ZFYVE26: variants seen among roughly 807,000 people sequenced by gnomAD.
The protein encoded by ZFYVE26 is zinc finger FYVE-type containing 26.
In ZFYVE26, 181 loss-of-function variants were observed where a neutral mutation model predicts 276.5. The ratio of observed to expected loss-of-function variants is 0.65; its 90% CI spans 0.58 to 0.74. The LOEUF (loss-of-function observed/expected upper bound fraction) is 0.74, where lower values mean the gene tolerates loss of function less well. Among genes scored for constraint, ZFYVE26 ranks in the 30% least tolerant of loss-of-function variants. The pLI, the probability that ZFYVE26 is intolerant of heterozygous loss-of-function variation, is 0.00. For synonymous variants in ZFYVE26, 1,129 were observed against 1,203.1 expected (o/e 0.94, Z 1.27); for missense variants, 2,821 against 3,097.9 (o/e 0.91, Z 2.12).
intron 10 of ZFYVE26, chr14:67,798,952 G>T: frequency 8.8e-7 from 1 of 1,130,466 alleles, no homozygotes; most frequent in Non-Finnish European, 1.3e-6. Context: ...TATTTCTCGC[G>T]CCGCGGTTTC....
At chr14:67,783,705 C>T (rs527648950) in intron 20 of ZFYVE26, among the ~76,000 whole-genome samples, 180 bp from the exon 21 acceptor site, 41 of 152,128 alleles carry the variant, frequency 2.7e-4, no homozygotes, top group African/African-American at 8.2e-4. Context: ...TATGTTTTCA[C>T]GAACACTTCT....
intron 41 of ZFYVE26, among the ~76,000 whole-genome samples, chr14:67,748,937 T>A (rs1361342468): frequency 6.6e-6 from 1 of 152,218 alleles, no homozygotes; most frequent in Non-Finnish European, 1.5e-5. Flanking sequence ...TCCTCCTCAC[T>A]CTCCCAGGCT....
At chr14:67,783,626 A>T in intron 20 of ZFYVE26, 101 bp from the exon 21 acceptor site, 2 of 1,473,792 alleles carry the variant, frequency 1.4e-6, no homozygotes, top group Admixed American at 3.6e-5. Flanking sequence ...TGTAAATAAA[A>T]GTTCCTAATT....
downstream of ZFYVE26, among the ~76,000 whole-genome samples, chr14:67,742,826 T>TGTC (rs2038430383): frequency 8.5e-6 from 1 of 118,054 alleles, no homozygotes; most frequent in Non-Finnish European, 1.7e-5. Flanking sequence ...TCCTTTCTTC[T>TGTC]TTCTTCTTCT....
intron 37 of ZFYVE26, among the ~76,000 whole-genome samples, 166 bp from the exon 38 acceptor site, chr14:67,754,378 A>G (rs1323985907): frequency 2.0e-5 from 3 of 152,228 alleles, no homozygotes; most frequent in Admixed American, 2.0e-4. Context: ...AGACCAAAAA[A>G]ATGGTGATCT....
At chr14:67,789,965 G>A (rs550386276) in intron 15 of ZFYVE26, among the ~76,000 whole-genome samples, 2 of 152,350 alleles carry the variant, frequency 1.3e-5, no homozygotes, top group South Asian at 4.1e-4. Flanking sequence ...AAACAGAAAG[G>A]ATGTGTGTAT....
At chr14:67,769,294 T>G (rs185609100) in intron 29 of ZFYVE26, among the ~76,000 whole-genome samples, 19 of 152,068 alleles carry the variant, frequency 1.2e-4, no homozygotes, top group Admixed American at 6.5e-4. Flanking sequence ...AATAGGTGAA[T>G]TGGTGAACTA....
At chr14:67,782,645 T>G in intron 21 of ZFYVE26, 135 bp downstream of exon 21, 1 of 1,435,386 alleles carries the variant, frequency 7.0e-7, no homozygotes, top group Non-Finnish European at 9.7e-7. Context: ...CTCTGAGACC[T>G]GGTCTCCTCT....
At position 67,748,335 on chromosome 14, in the gene ZFYVE26, C is replaced by T. The variant is rs886050651; in HGVS notation, c.*101G>A. Reference sequence around the variant, plus strand: ...AACTCTTTCCAACCTAGGGCAGAGCCAGAGAAGTCCCACTCCACTGGAGGA... The same window carrying T: ...AACTCTTTCCAACCTAGGGCAGAGCTAGAGAAGTCCCACTCCACTGGAGGA... On this transcript the variant is annotated 3_prime_UTR_variant, in exon 42 of 42. Transcript: ENST00000347230. 4.6e-5 allele frequency: 63 copies of T among 1,355,396 alleles called. No individual in the cohort carries two copies. Among genetic ancestry groups the T allele is most frequent in the Non-Finnish European group, 1.5e-5 (15 of 985,244 alleles). The allele number at this position is 1,355,396 out of a possible 1,614,324, so 84.0% of individuals were successfully genotyped here.
downstream of ZFYVE26, among the ~76,000 whole-genome samples, chr14:67,745,680 A>C (rs1358668594): frequency 3.9e-5 from 6 of 152,080 alleles, no homozygotes; most frequent in Non-Finnish European, 7.4e-5. Context: ...AATTTGGTTG[A>C]TATTGAAAAG....
Position 67,762,496 on chromosome 14 carries a change from C to T in ZFYVE26, c.6160-84G>A, listed in dbSNP as rs550789764. Reference sequence around the variant, plus strand: ...AAAGACCTATTCTATTCCCAAGTTGCCAACCACCTCATTCCCACTATCTGC... The same window carrying T: ...AAAGACCTATTCTATTCCCAAGTTGTCAACCACCTCATTCCCACTATCTGC... On this transcript the variant is annotated intron_variant, in intron 33 of 41. Coordinates refer to ENST00000347230, the MANE Select transcript of ZFYVE26 (RefSeq NM_015346.4). 3,258 of 1,536,632 alleles carry T rather than the reference C, an allele frequency of 2.1e-3. 7 individuals are homozygous for T. Among genetic ancestry groups the T allele is most frequent in the Non-Finnish European group, 2.5e-3 (2,858 of 1,131,260 alleles).
chr14:67,753,279 C>T (rs2038696599), intron 39 of ZFYVE26, among the ~76,000 whole-genome samples: 1 of 152,184 alleles, frequency 6.6e-6, no homozygotes, highest in African/African-American at 2.4e-5. Flanking sequence ...AGTGCCACAG[C>T]CCCACCTGTG....
chr14:67,740,318 T>G (rs1238389253), intron 13 of ZFYVE26, among the ~76,000 whole-genome samples: 1 of 152,076 alleles, frequency 6.6e-6, no homozygotes, highest in Non-Finnish European at 1.5e-5. Flanking sequence ...CTCATAAAAA[T>G]GGAAATCAAA....
chr14:67,742,056 G>C (rs1041016274), downstream of ZFYVE26, among the ~76,000 whole-genome samples: 1 of 152,230 alleles, frequency 6.6e-6, no homozygotes, highest in African/African-American at 2.4e-5. Context: ...TATGGCTGGA[G>C]AAAATCACTC....
intron 13 of ZFYVE26, among the ~76,000 whole-genome samples, chr14:67,730,611 A>AT (rs1170154652): frequency 1.5e-4 from 22 of 151,230 alleles, no homozygotes; most frequent in East Asian, 9.7e-4. Flanking sequence ...GATCCCAAGC[A>AT]TTTTTTTTTG....
intron 40 of ZFYVE26, chr14:67,751,473 T>C (rs1461906269): frequency 3.1e-6 from 1 of 317,818 alleles, no homozygotes; most frequent in Non-Finnish European, 6.1e-6. Flanking sequence ...CCAAAACTCC[T>C]GGGCTCAAGT....
downstream of ZFYVE26, among the ~76,000 whole-genome samples, chr14:67,743,144 AG>A (rs1159545968): frequency 6.6e-6 from 1 of 151,988 alleles, no homozygotes; most frequent in Non-Finnish European, 1.5e-5. Flanking sequence ...GCCGGCACAG[AG>A]GTTCTAACCA....
intron 22 of ZFYVE26, 103 bp from the exon 23 acceptor site, chr14:67,780,448 C>T: frequency 9.4e-7 from 1 of 1,059,992 alleles, no homozygotes; most frequent in Non-Finnish European, 1.4e-6. Context: ...GATCTCTGCC[C>T]CAAAGTCAGG....
At chr14:67,758,883 C>T (rs893411517) in intron 35 of ZFYVE26, among the ~76,000 whole-genome samples, 3 of 152,148 alleles carry the variant, frequency 2.0e-5, no homozygotes, top group Admixed American at 6.5e-5. Context: ...GATCCACCTG[C>T]CTCAGCCTCC....
Sources: gnomAD v4.1 joint callset for allele counts (sites outside exome capture counted in the v4.1 genomes callset) on GRCh38, gnomAD v4.1.1 for gene constraint, MANE v1.5 for transcripts, NCBI Gene and HGNC (gene_info 2026-07-23, HGNC 2026-07-21) for gene names.